PRKCE: variants seen among roughly 807,000 people sequenced by gnomAD.
PRKCE encodes the protein protein kinase C epsilon type.
In PRKCE, 16 loss-of-function variants were observed where a neutral mutation model predicts 85.4. The ratio of observed to expected loss-of-function variants is 0.19; its 90% CI spans 0.13 to 0.28. The LOEUF is 0.28. Among genes scored for constraint, PRKCE ranks in the 10% least tolerant of loss-of-function variants. The pLI is 1.00. For synonymous variants in PRKCE, 388 were observed against 371.5 expected, an observed-to-expected ratio of 1.04 and a Z score of -0.51; for missense variants, 573 against 975.2, an observed-to-expected ratio of 0.59 and a Z score of 5.49.
At position 46,151,674 on chromosome 2, in the gene PRKCE, C is replaced by G. The variant is rs1366497636; in HGVS notation, c.1920+445C>G. Among the ~76,000 whole-genome samples the G allele has an allele frequency of 2.0e-5, 3 of 151,750 alleles. No individual in the cohort carries two copies. In the East Asian group the frequency reaches 5.8e-4, roughly 30 times the overall value. ...CAGAGAGGAGGGGAGGGAGGGTGGG[C>G]ACCGCCCACCTGTGTCCACGACAGC... On this transcript the variant is annotated intron_variant, in intron 13 of 14. Coordinates refer to ENST00000306156, the MANE Select transcript of PRKCE (RefSeq NM_005400.3).
chr2:46,075,801 T>G (rs1315429693), intron 10 of PRKCE, among the ~76,000 whole-genome samples: 5 of 152,190 alleles, frequency 3.3e-5, no homozygotes, highest in Admixed American at 2.0e-4. Context: ...GACTAAGGCA[T>G]CCTCTTGGCC....
chr2:46,012,796 A>G (rs35442838), intron 10 of PRKCE, among the ~76,000 whole-genome samples: 2 of 152,004 alleles, frequency 1.3e-5, no homozygotes, highest in Non-Finnish European at 2.9e-5. Context: ...TTGTAGAATA[A>G]CAAGGCTAAG....
At chr2:46,089,470 C>CCATCCAGTCTATCCATCCAG (rs1669956168) in intron 11 of PRKCE, among the ~76,000 whole-genome samples, 1 of 152,186 alleles carries the variant, frequency 6.6e-6, no homozygotes, top group African/African-American at 2.4e-5. Flanking sequence ...CCATCCACCT[C>CCATCCAGTCTATCCATCCAG]CCCTCAATGG....
At chr2:45,787,441 C>A (rs1210585599) in intron 1 of PRKCE, among the ~76,000 whole-genome samples, 1 of 152,162 alleles carries the variant, frequency 6.6e-6, no homozygotes, top group African/African-American at 2.4e-5. Context: ...CTGGGCAATG[C>A]TGGCCACAGA....
chr2:45,862,361 A>G (rs1693236288), intron 2 of PRKCE, among the ~76,000 whole-genome samples: 1 of 152,170 alleles, frequency 6.6e-6, no homozygotes, highest in African/African-American at 2.4e-5. Context: ...CACCTCCTGG[A>G]TCCCTCTCCA....
intron 1 of PRKCE, among the ~76,000 whole-genome samples, chr2:45,754,739 A>G (rs1407315333): frequency 6.6e-6 from 1 of 152,218 alleles, no homozygotes; most frequent in Non-Finnish European, 1.5e-5. Flanking sequence ...CCTCGCTGCA[A>G]TTTAAATGCC....
intron 1 of PRKCE, among the ~76,000 whole-genome samples, chr2:45,825,660 G>A (rs562587019): frequency 1.3e-5 from 2 of 152,250 alleles, no homozygotes; most frequent in African/African-American, 4.8e-5. Context: ...AAGAGAGGAG[G>A]ATCGCTTGAA....
rs185293255 is a variant in PRKCE, at chr2:45,920,817, A to G, written c.413-55612A>G. Among the ~76,000 whole-genome samples the G allele has an allele frequency of 7.2e-5, 11 of 152,364 alleles. No homozygotes were observed. In the East Asian group the frequency reaches 1.9e-3, roughly 27 times the overall value. On this transcript the variant is annotated intron_variant, in intron 2 of 14. Coordinates refer to ENST00000306156, the MANE Select transcript of PRKCE (RefSeq NM_005400.3). ...AATGTTCTAAAACTGATGGTTTAGT[A>G]CATATCTCTGAATATACTAAAACAA...
chr2:46,107,370 C>T (rs752214898), intron 11 of PRKCE, among the ~76,000 whole-genome samples: 34 of 152,166 alleles, frequency 2.2e-4, no homozygotes, highest in East Asian at 3.8e-4. Context: ...CGGCCGGGCA[C>T]GGTGGCTCAT....
chr2:45,860,395 T>C (rs1693056301), intron 2 of PRKCE, among the ~76,000 whole-genome samples: 2 of 152,296 alleles, frequency 1.3e-5, no homozygotes, highest in Middle Eastern at 6.8e-3. Flanking sequence ...AGGAAGGGAA[T>C]TGTGCCTTTG....
chr2:45,842,865 T>C, intron 1 of PRKCE, 135 bp from the exon 2 acceptor site: 1 of 801,010 alleles, frequency 1.2e-6, no homozygotes, highest in South Asian at 1.5e-5. Flanking sequence ...CACCTAGCAC[T>C]CAACACATTG....
chr2:45,999,379 T>TA (rs564781559), intron 6 of PRKCE, among the ~76,000 whole-genome samples: 25 of 152,314 alleles, frequency 1.6e-4, no homozygotes, highest in Admixed American at 1.6e-3. Context: ...GTGGGGTTTT[T>TA]ATCTCAACAT....
At chr2:46,033,554 A>G (rs946880882) in intron 10 of PRKCE, among the ~76,000 whole-genome samples, 1 of 152,178 alleles carries the variant, frequency 6.6e-6, no homozygotes, top group Non-Finnish European at 1.5e-5. Context: ...CAAGGTGGTT[A>G]TTGGCCACGC....
intron 2 of PRKCE, among the ~76,000 whole-genome samples, chr2:45,903,880 A>AGTTTTTTTT (rs1696754611): frequency 2.3e-5 from 2 of 87,676 alleles, no homozygotes; most frequent in African/African-American, 1.1e-4. Context: ...GTAGCCTGGC[A>AGTTTTTTTT]GTTTTTTTTT....
intron 2 of PRKCE, among the ~76,000 whole-genome samples, chr2:45,929,659 A>G (rs1257606335): frequency 6.6e-6 from 1 of 152,294 alleles, no homozygotes; most frequent in East Asian, 1.9e-4. Flanking sequence ...ATTGGTTACC[A>G]TTGGGAATTT....
rs73926030 is a variant in PRKCE, at chr2:45,679,491, A to G, written c.348+27043A>G. Among the ~76,000 whole-genome samples the G allele has an allele frequency of 3.1e-3, 472 of 152,316 alleles. 2 individuals are homozygous for G. The highest frequency in any genetic ancestry group is 0.011 in the African/African-American group (444 of 41,562). On this transcript the variant is annotated intron_variant, in intron 1 of 14. Coordinates refer to ENST00000306156, the MANE Select transcript of PRKCE (RefSeq NM_005400.3). ...AGGGAAAATAAAGTCCATATATATT[A>G]AAATCTAAGTCTGTTTATAATAAGT...
intron 1 of PRKCE, among the ~76,000 whole-genome samples, chr2:45,743,356 C>T (rs539552634): frequency 3.3e-5 from 5 of 152,184 alleles, no homozygotes; most frequent in South Asian, 2.1e-4. Context: ...CAAAACATCG[C>T]GGTGTACACC....
At chr2:46,015,106 C>T (rs1047299274) in intron 10 of PRKCE, among the ~76,000 whole-genome samples, 13 of 152,092 alleles carry the variant, frequency 8.5e-5, no homozygotes, top group African/African-American at 2.4e-4. Context: ...GGCTCTAAAA[C>T]TTAGGGGCTT....
At chr2:46,025,837 C>T (rs1707065148) in intron 10 of PRKCE, among the ~76,000 whole-genome samples, 1 of 152,184 alleles carries the variant, frequency 6.6e-6, no homozygotes, top group African/African-American at 2.4e-5. Flanking sequence ...ATCCATTTAG[C>T]TCCCTGGCCA....
Sources: gnomAD v4.1 joint callset for allele counts (sites outside exome capture counted in the v4.1 genomes callset) on GRCh38, gnomAD v4.1.1 for gene constraint, MANE v1.5 for transcripts, NCBI Gene and HGNC (gene_info 2026-07-23, HGNC 2026-07-21) for gene names.